Variants in SLC22A8 observed in about 807,000 individuals in gnomAD.
The protein encoded by SLC22A8 is organic anion transporter 3.
A neutral mutation model predicts 48.4 loss-of-function variants in SLC22A8; 40 were observed. The ratio of observed to expected loss-of-function variants is 0.83; its 90% CI spans 0.64 to 1.08. SLC22A8 has a LOEUF of 1.08. Among genes scored for constraint, SLC22A8 ranks in the 50% least tolerant of loss-of-function variants. The probability of loss-of-function intolerance (pLI) is 0.00; values close to 1 mark genes in which losing one functional copy is unlikely to be tolerated. For missense variants in SLC22A8, 606 were observed against 699.0 expected (o/e 0.87, Z 1.50); for synonymous variants, 268 against 286.3 (o/e 0.94, Z 0.65).
At chr11:63,004,749 G>T (rs1040849560) in intron 2 of SLC22A8, among the ~76,000 whole-genome samples, 4 of 152,136 alleles carry the variant, frequency 2.6e-5, no homozygotes, top group Non-Finnish European at 4.4e-5. Flanking sequence ...GTTTACTACT[G>T]TACTTTCATT....
chr11:63,009,721 G>T (rs757218170), intron 2 of SLC22A8, among the ~76,000 whole-genome samples: 21 of 152,214 alleles, frequency 1.4e-4, no homozygotes, highest in African/African-American at 4.6e-4. Context: ...GGGATCAGAA[G>T]GGGGAGGGAG....
intron 2 of SLC22A8, among the ~76,000 whole-genome samples, chr11:63,007,262 C>T (rs1227882168): frequency 1.3e-5 from 2 of 152,182 alleles, no homozygotes; most frequent in African/African-American, 2.4e-5. Context: ...GTTTAGTCCT[C>T]GGCATGACCT....
chr11:63,012,194 T>C (rs1310294860), intron 2 of SLC22A8, among the ~76,000 whole-genome samples: 1 of 152,120 alleles, frequency 6.6e-6, no homozygotes, highest in Non-Finnish European at 1.5e-5. Context: ...TTCACCATAT[T>C]GGCCAGGCTG....
chr11:63,015,258 T>C (rs140180090), intron 1 of SLC22A8, among the ~76,000 whole-genome samples: 1 of 152,324 alleles, frequency 6.6e-6, no homozygotes, highest in Non-Finnish European at 1.5e-5. Context: ...TCTATGGGTA[T>C]GTGCTCATTT....
intron 2 of SLC22A8, among the ~76,000 whole-genome samples, chr11:63,013,340 G>A (rs919103649): frequency 6.6e-6 from 1 of 152,170 alleles, no homozygotes; most frequent in Non-Finnish European, 1.5e-5. Flanking sequence ...TCTGTGAACT[G>A]GAGATAATAC....
rs1344990637 is a variant in SLC22A8, at chr11:62,993,809, A to ACTT, written c.1285_1286insAAG (p.Leu429delinsGlnVal). 6.2e-7 allele frequency: 1 copy of ACTT among 1,613,834 alleles called. No individual in the cohort carries two copies. The highest frequency in any genetic ancestry group is 8.5e-7 in the Non-Finnish European group (1 of 1,179,802). On this transcript the variant is annotated protein_altering_variant, in exon 9 of 11. Coordinates refer to ENST00000336232, the MANE Select transcript of SLC22A8 (RefSeq NM_004254.4). ...GTATAATTCACTTGTGTAGAGGAAG[A>ACTT]GGCAGCTGAAGGAGCTGGATAGGCA...
chr11:62,993,834 A>T lies in SLC22A8; in HGVS notation c.1261T>A (p.Cys421Ser). ...RTVLAVFGKG[C>S]LSSSFSCLFL... ...AGGCAGCTGAAGGAGCTGGATAGGC[A>T]TCCCTTCCCAAACACAGCCAATACT... Residue 421 changes from cysteine (C) to serine (S), a missense_variant, in exon 9 of 11, where the codon TGC becomes AGC. By Grantham distance (112) the Cys-to-Ser change is moderately radical. Coordinates refer to ENST00000336232, the MANE Select transcript of SLC22A8 (RefSeq NM_004254.4). The T allele has an allele frequency of 6.2e-7, 1 of 1,613,994 alleles. No individual in the cohort carries two copies.
Position 63,006,607 on chromosome 11 carries a change from T to G in SLC22A8, c.334-5784A>C, listed in dbSNP as rs1283858012. On this transcript the variant is annotated intron_variant, in intron 2 of 10. Coordinates refer to ENST00000336232, the MANE Select transcript of SLC22A8 (RefSeq NM_004254.4). ...ATGTCTCATTTGAGTTTTTTTTTTT[T>G]TTTTTTTTTTTTTTTTTTGAGACAG... Among the ~76,000 whole-genome samples, 23 of 115,374 alleles carry G rather than the reference T, an allele frequency of 2.0e-4. 1 individual carries two copies. The highest frequency in any genetic ancestry group is 8.3e-4 in the African/African-American group (23 of 27,610). 75.7% of individuals were successfully genotyped at this position (115,374 alleles called of 152,430 possible).
intron 5 of SLC22A8, among the ~76,000 whole-genome samples, chr11:62,997,646 C>A (rs995428939): frequency 1.3e-5 from 2 of 152,230 alleles, no homozygotes; most frequent in Admixed American, 1.3e-4. Flanking sequence ...ACTCTGAGTG[C>A]TCTCACGCCT....
chr11:63,009,590 C>T (rs2086594976), intron 2 of SLC22A8, among the ~76,000 whole-genome samples: 1 of 152,224 alleles, frequency 6.6e-6, no homozygotes, highest in Non-Finnish European at 1.5e-5. Flanking sequence ...CCCATGCTTT[C>T]TAGACTTAAA....
chr11:62,999,956 G>T, intron 3 of SLC22A8, 114 bp from the exon 4 acceptor site: 1 of 878,550 alleles, frequency 1.1e-6, no homozygotes. Flanking sequence ...TTTCCCTGTT[G>T]GGCACATAAA....
chr11:63,004,050 C>G (rs1423862391), intron 2 of SLC22A8, among the ~76,000 whole-genome samples: 2 of 152,158 alleles, frequency 1.3e-5, no homozygotes, highest in Non-Finnish European at 2.9e-5. Flanking sequence ...TAATTAGTGC[C>G]TTAAGAAATC....
At chr11:63,008,133 A>C (rs1368808471) in intron 2 of SLC22A8, among the ~76,000 whole-genome samples, 2 of 152,262 alleles carry the variant, frequency 1.3e-5, no homozygotes, top group Non-Finnish European at 2.9e-5. Flanking sequence ...GGTCAGAGCC[A>C]GATAAGCTGC....
intron 4 of SLC22A8, chr11:62,999,372 G>T: frequency 2.0e-6 from 1 of 492,704 alleles, no homozygotes; most frequent in Non-Finnish European, 3.6e-6. Flanking sequence ...AGTGGCAAGT[G>T]ACTTTCCTTG....
At position 62,996,047 on chromosome 11, in the gene SLC22A8, TC is replaced by T; in HGVS notation, c.866del (p.Gly289GlufsTer38). On this transcript the variant is annotated frameshift_variant, in exon 6 of 11. Transcript: ENST00000336232. LOFTEE classifies it high-confidence loss of function. ...CCCCTACCTCCAAGCTGAGCCTTTC[TC>T]CCTCTTCCTTCTTGCCATTGAAGAC... ...VAVFNGKKEE[G>X]ERLSLEELKL... 6.2e-7 allele frequency: 1 copy of T among 1,614,078 alleles called. No individual in the cohort carries two copies. The highest frequency in any genetic ancestry group is 1.3e-5 in the African/African-American group (1 of 75,008).
chr11:63,012,034 G>C (rs1171197771), intron 2 of SLC22A8, among the ~76,000 whole-genome samples: 1 of 150,432 alleles, frequency 6.6e-6, no homozygotes. Context: ...TCTGTGCCCA[G>C]GCTGGAGTGC....
Position 62,999,325 on chromosome 11 carries a change from C to T in SLC22A8, c.593-236G>A, listed in dbSNP as rs777462654. 7 of 522,720 alleles carry T rather than the reference C, an allele frequency of 1.3e-5. No individual in the cohort carries two copies. In the South Asian group the frequency reaches 2.2e-4, roughly 17 times the overall value. The allele number at this position is 522,720 out of a possible 1,614,324, so 32.4% of individuals were successfully genotyped here. A position where few individuals can be genotyped will look rare whatever the true frequency, so the allele number is the denominator to read the frequency against. On this transcript the variant is annotated intron_variant, in intron 4 of 10. Coordinates refer to ENST00000336232, the MANE Select transcript of SLC22A8 (RefSeq NM_004254.4). ...CGATAGGACTCAAACCTAGGTGTGT[C>T]TGTTTCCAAACTCATGCTCTTAACC... is the stretch of plus-strand genomic sequence containing the variant.
intron 2 of SLC22A8, among the ~76,000 whole-genome samples, chr11:63,011,454 C>T (rs976921449): frequency 5.9e-5 from 9 of 152,082 alleles, no homozygotes; most frequent in Admixed American, 1.3e-4. Flanking sequence ...AGGACATGGG[C>T]GGTGGGTTTT....
chr11:63,014,954 G>A lies in SLC22A8; in HGVS notation c.5C>T (p.Thr2Ile). 6.5e-7 allele frequency: 1 copy of A among 1,543,950 alleles called. No homozygotes were observed. The highest frequency in any genetic ancestry group is 8.8e-7 in the Non-Finnish European group (1 of 1,139,988). Residue 2 changes from threonine to isoleucine, a missense_variant, in exon 2 of 11, where the codon ACC becomes ATC. By Grantham distance (89) the Thr-to-Ile change is moderately conservative. Coordinates refer to ENST00000336232, the MANE Select transcript of SLC22A8 (RefSeq NM_004254.4). M[T>I]FSEILDRVGS... The stretch of plus-strand genomic sequence containing the variant: ...CACACGGTCCAGGATCTCCGAGAAG[G>A]TCATGGCACTGGGGCAAGACGAGCC...
Sources: allele counts gnomAD v4.1 joint callset (sites outside exome capture counted in the v4.1 genomes callset), GRCh38; gene constraint gnomAD v4.1.1; transcripts MANE v1.5; gene names NCBI Gene and HGNC (gene_info 2026-07-23, HGNC 2026-07-21).